Variants in POT1 observed in about 807,000 individuals in gnomAD.
The protein encoded by POT1 is protection of telomeres 1.
A neutral mutation model predicts 78.5 loss-of-function variants in POT1; 47 were observed. The observed-to-expected ratio is 0.60, with a 90% CI of 0.47 to 0.76. The LOEUF (loss-of-function observed/expected upper bound fraction) is 0.76, where lower values mean the gene tolerates loss of function less well. Ranked by LOEUF, POT1 falls within the 30% of genes least tolerant of loss-of-function variation. The pLI, the probability that POT1 is intolerant of heterozygous loss-of-function variation, is 0.00. For missense variants in POT1, 646 were observed against 749.9 expected (o/e 0.86, Z 1.62); for synonymous variants, 259 against 260.7 (o/e 0.99, Z 0.06).
At chr7:124,829,479 A>G in intron 15 of POT1, 137 bp from the exon 16 acceptor site, 1 of 584,554 alleles carries the variant, frequency 1.7e-6, no homozygotes, top group Non-Finnish European at 3.0e-6. Context: ...CCTATATTGT[A>G]ATGTGCTTGT....
chr7:124,824,489 G>A (rs763121046), intron 18 of POT1, among the ~76,000 whole-genome samples: 66 of 151,678 alleles, frequency 4.4e-4, no homozygotes, highest in Non-Finnish European at 7.1e-4. Flanking sequence ...AGGTATTCAA[G>A]TTAAACTTGG....
chr7:124,846,303 C>T (rs189575418), intron 12 of POT1, among the ~76,000 whole-genome samples: 76 of 152,264 alleles, frequency 5.0e-4, no homozygotes, highest in Non-Finnish European at 9.6e-4. Context: ...CCTCCAATTA[C>T]AACACAACAT....
At chr7:124,855,309 G>A (rs1393902686) in intron 9 of POT1, among the ~76,000 whole-genome samples, 2 of 149,292 alleles carry the variant, frequency 1.3e-5, no homozygotes, top group Admixed American at 6.7e-5. Context: ...ATTTAAAAGT[G>A]TCTGAAATAA....
rs865967850 is a variant in POT1 at position 124,870,833 on chromosome 7, A to T, written c.255+78T>A. Reference sequence around the variant, plus strand: ...CATGTTCTAACAAAGCAACTATATAATTAGTGCTAACTAGTTTCAGTGAAC... The same window carrying T: ...CATGTTCTAACAAAGCAACTATATATTTAGTGCTAACTAGTTTCAGTGAAC... On this transcript the variant is annotated intron_variant, in intron 7 of 18. Coordinates refer to ENST00000357628, the MANE Select transcript of POT1 (RefSeq NM_015450.3). The T allele has an allele frequency of 1.4e-5, 17 of 1,205,456 alleles. No individual in the cohort carries two copies. In the Middle Eastern group the frequency reaches 9.0e-4, roughly 64 times the overall value. 74.7% of individuals were successfully genotyped at this position (1,205,456 alleles called of 1,614,324 possible).
At chr7:124,846,343 C>A (rs1406922637) in intron 12 of POT1, among the ~76,000 whole-genome samples, 1 of 152,148 alleles carries the variant, frequency 6.6e-6, no homozygotes, top group East Asian at 1.9e-4. Context: ...TTCTTCCATT[C>A]ACATTTGTTA....
At chr7:124,914,995 GACC>G (rs1796983889) in intron 3 of POT1, among the ~76,000 whole-genome samples, 1 of 151,920 alleles carries the variant, frequency 6.6e-6, no homozygotes, top group Admixed American at 6.6e-5. Flanking sequence ...TTTTTCTTCA[GACC>G]ACATTTCTAC....
chr7:124,862,102 T>G (rs1314198702), intron 8 of POT1, among the ~76,000 whole-genome samples: 2 of 152,028 alleles, frequency 1.3e-5, no homozygotes, highest in African/African-American at 4.8e-5. Context: ...TTTTTGACTT[T>G]TCAATATTGT....
At chr7:124,858,848 T>C in intron 9 of POT1, 109 bp downstream of exon 9, 5 of 606,144 alleles carry the variant, frequency 8.2e-6, no homozygotes, top group Non-Finnish European at 5.2e-6. Context: ...AAATATAATT[T>C]CTAGACTGTA....
At chr7:124,868,278 C>T (rs753002577) in intron 7 of POT1, among the ~76,000 whole-genome samples, 6 of 151,820 alleles carry the variant, frequency 4.0e-5, no homozygotes, top group South Asian at 4.2e-4. Flanking sequence ...CACTACTAGC[C>T]GTAAATATGA....
intron 4 of POT1, among the ~76,000 whole-genome samples, chr7:124,897,915 C>T (rs1297924435): frequency 6.6e-6 from 1 of 151,728 alleles, no homozygotes; most frequent in Middle Eastern, 3.2e-3. Flanking sequence ...GGAAAAAATC[C>T]GTTTTACCTA....
intron 2 of POT1, among the ~76,000 whole-genome samples, chr7:124,925,662 C>T (rs1217380397): frequency 1.3e-5 from 2 of 152,014 alleles, no homozygotes; most frequent in Non-Finnish European, 2.9e-5. Context: ...CAATCCTAAT[C>T]AAAAAGAACA....
intron 3 of POT1, among the ~76,000 whole-genome samples, chr7:124,903,096 G>A (rs1796664769): frequency 6.6e-6 from 1 of 152,154 alleles, no homozygotes; most frequent in Non-Finnish European, 1.5e-5. Context: ...ACACCCCACT[G>A]TCAACATTAG....
rs139743070 is a variant in POT1, at chr7:124,909,963, C to T, written c.-154+5611G>A. 1.3e-4 allele frequency among the ~76,000 whole-genome samples: 19 copies of T among 151,700 alleles called. No homozygotes were observed. In the East Asian group the frequency reaches 3.7e-3, roughly 29 times the overall value. ...TTTTTAAAACACATCTCTAAAATAT[C>T]CAAGATATATTAGGTAAAAATAAAG... On this transcript the variant is annotated intron_variant, in intron 3 of 18. Coordinates refer to ENST00000357628, the MANE Select transcript of POT1 (RefSeq NM_015450.3).
chr7:124,907,193 A>G (rs1376088275), intron 3 of POT1, among the ~76,000 whole-genome samples: 3 of 152,100 alleles, frequency 2.0e-5, no homozygotes, highest in Admixed American at 1.3e-4. Context: ...TCTTTAAACT[A>G]ATTTAAGATA....
chr7:124,850,191 C>T (rs749877215), intron 11 of POT1, among the ~76,000 whole-genome samples: 1 of 152,098 alleles, frequency 6.6e-6, no homozygotes, highest in Non-Finnish European at 1.5e-5. Context: ...CAGGCCAAAA[C>T]GTTATCACGA....
At chr7:124,859,686 C>A (rs1349081719) in intron 8 of POT1, among the ~76,000 whole-genome samples, 2 of 150,896 alleles carry the variant, frequency 1.3e-5, no homozygotes, top group Non-Finnish European at 3.0e-5. Context: ...AAATTACCCA[C>A]CAGCTCTGGC....
Position 124,859,177 on chromosome 7 carries a change from T to C in POT1, c.547-65A>G. Reference sequence around the variant, plus strand: ...AAAAATGCTTGTGCTAAAAAGTTTTTTCCTGGAAACAGTATTTAAAAGTAA... The same window carrying C: ...AAAAATGCTTGTGCTAAAAAGTTTTCTCCTGGAAACAGTATTTAAAAGTAA... On this transcript the variant is annotated intron_variant, in intron 8 of 18. Coordinates refer to ENST00000357628, the MANE Select transcript of POT1 (RefSeq NM_015450.3). 3 of 1,297,036 alleles carry C rather than the reference T, an allele frequency of 2.3e-6. No homozygotes were observed. The East Asian group carries it at 7.6e-5, about 33-fold the overall frequency. The allele number at this position is 1,297,036 out of a possible 1,614,324, so 80.3% of individuals were successfully genotyped here.
chr7:124,868,619 T>C lies in POT1; in HGVS notation c.255+2292A>G, dbSNP rs565501625. On this transcript the variant is annotated intron_variant, in intron 7 of 18. Coordinates refer to ENST00000357628, the MANE Select transcript of POT1 (RefSeq NM_015450.3). ...GTTTTCTGACCACCACAATAAACAA[T>C]AGTAAAAAAAGGTAACTATTAAATG... Among the ~76,000 whole-genome samples, 9 of 150,772 alleles carry C rather than the reference T, an allele frequency of 6.0e-5. No individual in the cohort carries two copies. The South Asian group carries it at 1.7e-3, about 28-fold the overall frequency.
At chr7:124,864,157 T>C (rs751658499) in intron 7 of POT1, among the ~76,000 whole-genome samples, 1 of 152,158 alleles carries the variant, frequency 6.6e-6, no homozygotes, top group Non-Finnish European at 1.5e-5. Context: ...CAGAGGCACA[T>C]ACATTTATAT....
Sources: allele counts gnomAD v4.1 joint callset (sites outside exome capture counted in the v4.1 genomes callset), GRCh38; gene constraint gnomAD v4.1.1; transcripts MANE v1.5; gene names NCBI Gene and HGNC (gene_info 2026-07-23, HGNC 2026-07-21).